CRACR2A: variants seen among roughly 807,000 people sequenced by gnomAD.
CRACR2A encodes the protein EF-hand calcium-binding domain-containing protein 4B.
Under a neutral mutation model 90.5 loss-of-function variants are expected in CRACR2A, and 79 were observed. That is an observed-to-expected ratio of 0.87 (90% CI 0.73 to 1.05). CRACR2A has a LOEUF of 1.05. CRACR2A is among the 50% of genes least tolerant of loss of function. The pLI, the probability that CRACR2A is intolerant of heterozygous loss-of-function variation, is 0.00. For synonymous variants in CRACR2A, 338 were observed against 356.7 expected (o/e 0.95, Z 0.59); for missense variants, 823 against 897.2 (o/e 0.92, Z 1.06).
chr12:3,742,156 C>T (rs1204454097), intron 1 of CRACR2A, among the ~76,000 whole-genome samples: 3 of 152,198 alleles, frequency 2.0e-5, no homozygotes, highest in African/African-American at 7.2e-5. Context: ...GGCTCTATAA[C>T]CAGGACTGAA....
chr12:3,655,639 T>G (rs2137472843), intron 9 of CRACR2A, among the ~76,000 whole-genome samples: 1 of 152,300 alleles, frequency 6.6e-6, no homozygotes, highest in Middle Eastern at 3.4e-3. Context: ...GAGGCTTGCC[T>G]AGGTAGTCAG....
At chr12:3,658,552 G>C in intron 8 of CRACR2A, among the ~76,000 whole-genome samples, 1 of 152,184 alleles carries the variant, frequency 6.6e-6, no homozygotes, top group East Asian at 1.9e-4. Context: ...AGCCTCCAGA[G>C]GGCGCTAATT....
chr12:3,655,504 A>T (rs1392955911), intron 9 of CRACR2A, among the ~76,000 whole-genome samples: 2 of 152,228 alleles, frequency 1.3e-5, no homozygotes, highest in African/African-American at 4.8e-5. Flanking sequence ...AAACGGAAGC[A>T]ATGTGTCTTG....
chr12:3,648,701 C>T (rs527267393), intron 10 of CRACR2A, 88 bp from the exon 11 acceptor site: 15 of 1,522,436 alleles, frequency 9.9e-6, no homozygotes, highest in African/African-American at 5.5e-5. Context: ...CAGGTGATGC[C>T]GTGCTGGGGA....
rs190563114 is a variant in CRACR2A, at chr12:3,657,060, G to A, written c.763-654C>T. On this transcript the variant is annotated intron_variant, in intron 8 of 19. Coordinates refer to ENST00000440314, the MANE Select transcript of CRACR2A (RefSeq NM_001144958.2). ...GTGAGAAGGGGCCTGGCTATGGGACGAGGAGGAAAGTGTGTGGGCTATCAG... is the reference window on the plus strand; with the variant it reads ...GTGAGAAGGGGCCTGGCTATGGGACAAGGAGGAAAGTGTGTGGGCTATCAG... Among the ~76,000 whole-genome samples the A allele has an allele frequency of 3.3e-5, 5 of 152,330 alleles. No homozygotes were observed. In the East Asian group the frequency reaches 9.7e-4, roughly 29 times the overall value.
intron 15 of CRACR2A, among the ~76,000 whole-genome samples, chr12:3,632,690 C>G (rs1000299566): frequency 6.6e-6 from 1 of 152,182 alleles, no homozygotes; most frequent in African/African-American, 2.4e-5. Flanking sequence ...CTCTCTGGAC[C>G]TCAGTTTCCT....
intron 14 of CRACR2A, among the ~76,000 whole-genome samples, chr12:3,637,523 G>A (rs1591645013): frequency 6.6e-6 from 1 of 151,954 alleles, no homozygotes; most frequent in Non-Finnish European, 1.5e-5. Flanking sequence ...TCTTGCCTTT[G>A]TTAAATGCCC....
chr12:3,734,399 A>T (rs890678523), intron 1 of CRACR2A, among the ~76,000 whole-genome samples: 2 of 152,152 alleles, frequency 1.3e-5, no homozygotes, highest in East Asian at 3.9e-4. Context: ...GAAGTCAGGG[A>T]CTAAACCCTG....
chr12:3,660,104 T>A (rs1945002496), intron 7 of CRACR2A, among the ~76,000 whole-genome samples: 1 of 152,238 alleles, frequency 6.6e-6, no homozygotes, highest in African/African-American at 2.4e-5. Context: ...TCCTGGTTTA[T>A]CTTGTCCCTG....
chr12:3,621,026 C>T lies in CRACR2A; in HGVS notation c.1933-1654G>A, dbSNP rs183134396. ...GGATACTTGTGCGAAGAGCTTTTCA[C>T]GGAAAGGGAAGAAAGGAGGAGGAAG... is the stretch of plus-strand genomic sequence containing the variant. On this transcript the variant is annotated intron_variant, in intron 17 of 19. Transcript: ENST00000440314. Among the ~76,000 whole-genome samples the T allele has an allele frequency of 7.2e-5, 11 of 152,216 alleles. No homozygotes were observed. In the South Asian group the frequency reaches 1.5e-3, roughly 20 times the overall value.
chr12:3,641,754 C>G lies in CRACR2A; in HGVS notation c.1249G>C (p.Asp417His). ...TACCTCCTAAGAATCCCTCTGCTGT[C>G]CACATATTTGCCTATCACAGAGCCA... ...RSGSVIGKYV[D>H]SRGILRSQSE... The change falls in exon 13 of 20, where the codon GAC becomes CAC. Residue 417 changes from aspartate (D) to histidine (H), a missense_variant. Physicochemically the swap from Asp to His is moderately conservative, Grantham distance 81. Coordinates refer to ENST00000440314, the MANE Select transcript of CRACR2A (RefSeq NM_001144958.2). The G allele has an allele frequency of 6.4e-7, 1 of 1,551,702 alleles. No homozygotes were observed. Among genetic ancestry groups the G allele is most frequent in the Non-Finnish European group, 8.7e-7 (1 of 1,146,976 alleles).
At chr12:3,709,674 G>A (rs531190449) in intron 3 of CRACR2A, among the ~76,000 whole-genome samples, 1 of 152,356 alleles carries the variant, frequency 6.6e-6, no homozygotes, top group South Asian at 2.1e-4. Context: ...TTACTCAGGA[G>A]GCTGAGGCAG....
At position 3,627,713 on chromosome 12, in the gene CRACR2A, G is replaced by C; in HGVS notation, c.1736-7C>G. 2 of 1,551,686 alleles carry C rather than the reference G, an allele frequency of 1.3e-6. No individual in the cohort carries two copies. The highest frequency in any genetic ancestry group is 1.7e-6 in the Non-Finnish European group (2 of 1,146,978). The stretch of plus-strand genomic sequence containing the variant: ...TTCACACGGTAATCAATGCCTGCAG[G>C]GTGAAATGGGCCTGTCAGGGCTGCC... On this transcript the variant is annotated splice_region_variant and splice_polypyrimidine_tract_variant and intron_variant, in intron 15 of 19. Coordinates refer to ENST00000440314, the MANE Select transcript of CRACR2A (RefSeq NM_001144958.2).
chr12:3,673,957 T>G (rs1945297675), intron 6 of CRACR2A, among the ~76,000 whole-genome samples: 1 of 152,208 alleles, frequency 6.6e-6, no homozygotes, highest in South Asian at 2.1e-4. Flanking sequence ...GCTCTGCTGC[T>G]TCTGTTCTCC....
chr12:3,685,443 T>C (rs191808064), intron 4 of CRACR2A, among the ~76,000 whole-genome samples: 6 of 152,344 alleles, frequency 3.9e-5, no homozygotes, highest in African/African-American at 1.2e-4. Context: ...TCCATGTCCA[T>C]ATCAGCATTA....
At chr12:3,751,742 T>C (rs1946707606) in intron 1 of CRACR2A, among the ~76,000 whole-genome samples, 1 of 151,886 alleles carries the variant, frequency 6.6e-6, no homozygotes, top group African/African-American at 2.4e-5. Flanking sequence ...CTACACACTT[T>C]ATAGTATAGA....
At chr12:3,683,631 A>T (rs902525108) in intron 4 of CRACR2A, among the ~76,000 whole-genome samples, 1 of 152,186 alleles carries the variant, frequency 6.6e-6, no homozygotes, top group Non-Finnish European at 1.5e-5. Context: ...TCTCTCATTC[A>T]TAAATCTTTC....
chr12:3,615,380 GC>G lies in CRACR2A; in HGVS notation c.2170del (p.Ala724LeufsTer?). The G allele has an allele frequency of 6.4e-7, 1 of 1,551,636 alleles. No homozygotes were observed. The highest frequency in any genetic ancestry group is 8.7e-7 in the Non-Finnish European group (1 of 1,146,934). On this transcript the variant is annotated frameshift_variant, in exon 20 of 20. Transcript: ENST00000440314. LOFTEE classifies it high-confidence loss of function. The stretch of plus-strand genomic sequence containing the variant: ...TCAGCCACAGCAGGATTTCTTCTTA[GC>G]AGGGTGGCCGACCTGAATGGTGTCC... ...REDTIQVGHPAKKKSCCG is the reference protein window; with the variant it reads ...REDTIQVGHPXKKKSCCG
At chr12:3,691,437 G>T (rs961225113) in intron 4 of CRACR2A, among the ~76,000 whole-genome samples, 17 of 152,128 alleles carry the variant, frequency 1.1e-4, no homozygotes, top group African/African-American at 7.2e-5. Flanking sequence ...CTGGGTTGAA[G>T]TTTCTTTTAT....
Sources: allele counts gnomAD v4.1 joint callset (sites outside exome capture counted in the v4.1 genomes callset), GRCh38; gene constraint gnomAD v4.1.1; transcripts MANE v1.5; gene names NCBI Gene and HGNC (gene_info 2026-07-23, HGNC 2026-07-21).